SOS1: variants seen among roughly 807,000 people sequenced by gnomAD.
The protein encoded by SOS1 is son of sevenless homolog 1.
In SOS1, 25 loss-of-function variants were observed where a neutral mutation model predicts 157.6. The ratio of observed to expected loss-of-function variants is 0.16; its 90% CI spans 0.12 to 0.22. The LOEUF (loss-of-function observed/expected upper bound fraction) is 0.22. Ranked by LOEUF, SOS1 falls within the 10% of genes least tolerant of loss-of-function variation. SOS1 has a pLI of 1.00. For synonymous variants in SOS1, 528 were observed against 534.0 expected (o/e 0.99, Z 0.16); for missense variants, 1,237 against 1,599.1 (o/e 0.77, Z 3.86).
intron 2 of SOS1, 86 bp downstream of exon 2, chr2:39,067,542 G>T: frequency 8.3e-7 from 1 of 1,204,542 alleles, no homozygotes; most frequent in Non-Finnish European, 1.2e-6. Flanking sequence ...TATATATAGA[G>T]AGAGCAAATT....
At chr2:39,022,346 C>G (rs1300922937) in intron 10 of SOS1, among the ~76,000 whole-genome samples, 1 of 151,820 alleles carries the variant, frequency 6.6e-6, no homozygotes, top group African/African-American at 2.4e-5. Context: ...CAAGTGACCT[C>G]ATTTTCTCAT....
intron 1 of SOS1, among the ~76,000 whole-genome samples, chr2:39,116,061 T>C (rs1673638724): frequency 1.3e-5 from 2 of 152,238 alleles, no homozygotes; most frequent in African/African-American, 4.8e-5. Context: ...TGAACATTCA[T>C]GTATAAGTCT....
At chr2:39,078,190 A>G (rs907720068) in intron 1 of SOS1, among the ~76,000 whole-genome samples, 3 of 152,130 alleles carry the variant, frequency 2.0e-5, no homozygotes, top group Non-Finnish European at 2.9e-5. Context: ...CTCAATCTCA[A>G]TCTCAAGCCT....
At chr2:39,087,658 A>G (rs947043782) in intron 1 of SOS1, among the ~76,000 whole-genome samples, 3 of 152,212 alleles carry the variant, frequency 2.0e-5, no homozygotes, top group African/African-American at 4.8e-5. Flanking sequence ...ATGAGATCAC[A>G]TATCAGAAAG....
intron 1 of SOS1, among the ~76,000 whole-genome samples, chr2:39,099,740 T>TGGTTTGTTTA (rs1370336410): frequency 6.6e-5 from 10 of 152,090 alleles, no homozygotes; most frequent in African/African-American, 2.4e-4. Context: ...AAACCATATA[T>TGGTTTGTTTA]CTTTTTTTAT....
At chr2:39,102,682 C>T (rs1673016634) in intron 1 of SOS1, among the ~76,000 whole-genome samples, 1 of 150,926 alleles carries the variant, frequency 6.6e-6, no homozygotes, top group Admixed American at 6.6e-5. Context: ...TGGTAGCTCA[C>T]GCCCATAATC....
rs138780999 is a variant in SOS1, at chr2:39,078,697, A to T, written c.88-10944T>A. On this transcript the variant is annotated intron_variant, in intron 1 of 22. Coordinates refer to ENST00000402219, the MANE Select transcript of SOS1 (RefSeq NM_005633.4). ...AATGCCTGGTGATCTGAGGTGAAAG[A>T]GTTTTATCCCCAAAACATTCCCCCA... 8.1e-3 allele frequency among the ~76,000 whole-genome samples: 1,237 copies of T among 152,234 alleles called. 7 individuals carry two copies. Among genetic ancestry groups the T allele is most frequent in the Middle Eastern group, 0.014 (4 of 294 alleles).
chr2:39,103,822 T>C (rs1255067021), intron 1 of SOS1, among the ~76,000 whole-genome samples: 1 of 152,220 alleles, frequency 6.6e-6, no homozygotes, highest in African/African-American at 2.4e-5. Flanking sequence ...AAAACTTTCG[T>C]TCATCAGAGG....
At chr2:39,104,050 C>T (rs565013444) in intron 1 of SOS1, among the ~76,000 whole-genome samples, 56 of 152,158 alleles carry the variant, frequency 3.7e-4, no homozygotes, top group African/African-American at 1.2e-3. Context: ...AAAGCCGAGG[C>T]GGGGGTGGAT....
intron 20 of SOS1, among the ~76,000 whole-genome samples, chr2:38,990,004 G>T (rs955433959): frequency 4.6e-5 from 7 of 151,918 alleles, no homozygotes; most frequent in Non-Finnish European, 1.5e-5. Context: ...CATTAAAGTA[G>T]GAAAATTGAG....
At position 39,093,082 on chromosome 2, in the gene SOS1, T is replaced by C. The variant is rs929251705; in HGVS notation, c.88-25329A>G. 3.9e-5 allele frequency among the ~76,000 whole-genome samples: 6 copies of C among 152,214 alleles called. No individual in the cohort carries two copies. In the South Asian group the frequency reaches 1.2e-3, roughly 32 times the overall value. ...TATTAATACTACAGAAATACTTTTTTAAATAAATGCATTTTTTAAACTAAC... is the reference window on the plus strand; with the variant it reads ...TATTAATACTACAGAAATACTTTTTCAAATAAATGCATTTTTTAAACTAAC... On this transcript the variant is annotated intron_variant, in intron 1 of 22. Coordinates refer to ENST00000402219, the MANE Select transcript of SOS1 (RefSeq NM_005633.4).
rs184493482 is a variant in SOS1 at position 39,030,555 on chromosome 2, G to C, written c.1074+4657C>G. On this transcript the variant is annotated intron_variant, in intron 8 of 22. Transcript: ENST00000402219. Reference sequence around the variant, plus strand: ...ACTGCGCTCCAGCCTGGGTGACAGAGCGAGACCTATCTCTAAAAAAGAGGG... The same window carrying C: ...ACTGCGCTCCAGCCTGGGTGACAGACCGAGACCTATCTCTAAAAAAGAGGG... Among the ~76,000 whole-genome samples, 3 of 152,310 alleles carry C rather than the reference G, an allele frequency of 2.0e-5. No homozygotes were observed. In the East Asian group the frequency reaches 5.8e-4, roughly 29 times the overall value.
chr2:38,987,734 TA>T, intron 21 of SOS1, 143 bp from the exon 22 acceptor site: 1 of 629,610 alleles, frequency 1.6e-6, no homozygotes, highest in Non-Finnish European at 2.8e-6. Flanking sequence ...CAATACCGAA[TA>T]GTATTTCATT....
intron 1 of SOS1, among the ~76,000 whole-genome samples, chr2:39,095,239 G>A (rs1672730614): frequency 6.6e-6 from 1 of 150,790 alleles, no homozygotes. Flanking sequence ...TATGGTGTTT[G>A]CATCTACACA....
intron 2 of SOS1, among the ~76,000 whole-genome samples, chr2:39,062,597 T>TA (rs1417387370): frequency 0.041 from 5,225 of 128,760 alleles, 283 homozygotes; most frequent in African/African-American, 0.13. Flanking sequence ...ATAAAGAAGT[T>TA]AAAAAAAAAA....
chr2:39,041,105 CTGGAGTGCAATCA>C (rs1162187801), intron 6 of SOS1, among the ~76,000 whole-genome samples: 1 of 152,108 alleles, frequency 6.6e-6, no homozygotes, highest in Non-Finnish European at 1.5e-5. Context: ...GTCACCCAGG[CTGGAGTGCAATCA>C]TGTGATTATG....
intron 6 of SOS1, 49 bp from the exon 7 acceptor site, chr2:39,035,549 C>A (rs149139868): frequency 1.5e-6 from 2 of 1,347,496 alleles, no homozygotes; most frequent in Non-Finnish European, 2.1e-6. Flanking sequence ...ATTACAAACA[C>A]AGAAAGATTT....
intron 21 of SOS1, 118 bp downstream of exon 21, chr2:38,989,152 T>C (rs1399127191): frequency 1.4e-6 from 1 of 727,076 alleles, no homozygotes; most frequent in Non-Finnish European, 2.5e-6. Context: ...TTCTAGGATG[T>C]TGCAAGCAAG....
chr2:39,012,062 G>A, intron 14 of SOS1, 64 bp downstream of exon 14: 1 of 1,154,504 alleles, frequency 8.7e-7, no homozygotes, highest in East Asian at 2.4e-5. Flanking sequence ...GCAGAAATCA[G>A]TATTTCATTT....
Sources: gnomAD v4.1 joint callset for allele counts (sites outside exome capture counted in the v4.1 genomes callset) on GRCh38, gnomAD v4.1.1 for gene constraint, MANE v1.5 for transcripts, NCBI Gene and HGNC (gene_info 2026-07-23, HGNC 2026-07-21) for gene names.